The following ELMO1 variants were observed in gnomAD, a reference collection of about 807,000 sequenced individuals.
ELMO1 encodes engulfment and cell motility protein 1.
Under a neutral mutation model 98.9 loss-of-function variants are expected in ELMO1, and 26 were observed. That is an observed-to-expected ratio of 0.26 (90% CI 0.19 to 0.36). The LOEUF (loss-of-function observed/expected upper bound fraction) is 0.36, where lower values mean the gene tolerates loss of function less well. ELMO1 is among the 10% of genes least tolerant of loss of function. The pLI, the probability that ELMO1 is intolerant of heterozygous loss-of-function variation, is 1.00. For synonymous variants in ELMO1, 346 were observed against 346.0 expected, an observed-to-expected ratio of 1.00 and a Z score of 0.00; for missense variants, 627 against 935.2, an observed-to-expected ratio of 0.67 and a Z score of 4.30.
chr7:37,420,022 C>T (rs867314915), intron 1 of ELMO1, among the ~76,000 whole-genome samples: 1 of 152,142 alleles, frequency 6.6e-6, no homozygotes, highest in Non-Finnish European at 1.5e-5. Flanking sequence ...AACCATTTAC[C>T]GGTCTTTGGA....
intron 20 of ELMO1, among the ~76,000 whole-genome samples, chr7:36,866,233 C>G (rs1803024083): frequency 6.6e-6 from 1 of 152,158 alleles, no homozygotes; most frequent in South Asian, 2.1e-4. Context: ...ATCCTTAATC[C>G]TTGCAAATCA....
At chr7:36,919,751 C>T (rs187047552) in intron 16 of ELMO1, among the ~76,000 whole-genome samples, 38 of 152,194 alleles carry the variant, frequency 2.5e-4, no homozygotes, top group Admixed American at 1.8e-3. Context: ...GCTGGGCTCA[C>T]GGGGAAGAGT....
chr7:37,308,327 C>A lies in ELMO1; in HGVS notation c.192+6523G>T, dbSNP rs1443458264. Among the ~76,000 whole-genome samples the A allele has an allele frequency of 2.0e-5, 3 of 152,102 alleles. No homozygotes were observed. In the East Asian group the frequency reaches 5.8e-4, roughly 29 times the overall value. On this transcript the variant is annotated intron_variant, in intron 4 of 21. Transcript: ENST00000310758. ...TTCCCTATGATCTTAGGATGAAGTT[C>A]AAGATCTTTAAGATGACCTTAAAAA... is the stretch of plus-strand genomic sequence containing the variant.
At position 37,288,955 on chromosome 7, in the gene ELMO1, C is replaced by A. The variant is rs138894813; in HGVS notation, c.193-17073G>T. On this transcript the variant is annotated intron_variant, in intron 4 of 21. Transcript: ENST00000310758. ...TCTGCCCCCATGTCTTTTTTGGGGG[C>A]TGTCCTACTCCATTTTCCTCATAGC... is the stretch of plus-strand genomic sequence containing the variant. Among the ~76,000 whole-genome samples, 376 of 152,290 alleles carry A rather than the reference C, an allele frequency of 2.5e-3. 2 individuals carry two copies. The highest frequency in any genetic ancestry group is 8.8e-3 in the African/African-American group (365 of 41,564).
intron 16 of ELMO1, among the ~76,000 whole-genome samples, chr7:37,001,356 T>C (rs115391907): frequency 1.8e-3 from 271 of 152,326 alleles, no homozygotes; most frequent in African/African-American, 6.1e-3. Flanking sequence ...TAATGATCAT[T>C]GAATTAAACA....
Position 36,855,617 on chromosome 7 carries a change from G to A in ELMO1, c.2118C>T (p.Ile706=). ...TGGGAATCGGCGGAGGTGCGTCAGG[G>A]ATCTGGATGTTTTCCAGGTCCAGGA... ...LRLLDLENIQ[I]PDAPPPIPKE... is the part of the protein sequence containing the mutation. The change falls in exon 22 of 22, where the codon ATC becomes ATT. Residue 706 remains isoleucine, a synonymous_variant. Transcript: ENST00000310758. The surrounding 1 kb of genome is among the most constrained non-coding windows in gnomAD (Gnocchi z 4.2). The A allele has an allele frequency of 6.2e-7, 1 of 1,614,126 alleles. No homozygotes were observed. The highest frequency in any genetic ancestry group is 8.5e-7 in the Non-Finnish European group (1 of 1,180,000).
chr7:37,044,570 C>T (rs1015758100), intron 15 of ELMO1, among the ~76,000 whole-genome samples: 7 of 152,162 alleles, frequency 4.6e-5, no homozygotes, highest in Non-Finnish European at 5.9e-5. Flanking sequence ...TCTCTCTCAG[C>T]TCTCCCTATG....
At chr7:37,352,485 T>G (rs945624339) in intron 1 of ELMO1, among the ~76,000 whole-genome samples, 2 of 152,256 alleles carry the variant, frequency 1.3e-5, no homozygotes, top group African/African-American at 4.8e-5. Context: ...AATGTCCATA[T>G]GCAATCTATA....
chr7:37,192,645 A>G (rs1791667684), intron 13 of ELMO1, among the ~76,000 whole-genome samples: 1 of 151,258 alleles, frequency 6.6e-6, no homozygotes, highest in African/African-American at 2.4e-5. Flanking sequence ...AAAAACTACA[A>G]AAATTAGCCA....
In ELMO1 at chr7:37,299,267, C is replaced by G. The variant is rs1345083693; in HGVS notation, c.192+15583G>C. On this transcript the variant is annotated intron_variant, in intron 4 of 21. Coordinates refer to ENST00000310758, the MANE Select transcript of ELMO1 (RefSeq NM_014800.11). ...CATTTTTGTAGGTTGCCTGTTCACT[C>G]TGATGGTAGTTTCTTTTGCTGTGCA... 8.6e-5 allele frequency among the ~76,000 whole-genome samples: 13 copies of G among 150,952 alleles called. 1 individual carries two copies. The highest frequency in any genetic ancestry group is 8.6e-4 in the Admixed American group (13 of 15,140).
chr7:36,881,050 A>C (rs975417634), intron 18 of ELMO1, among the ~76,000 whole-genome samples: 2 of 152,180 alleles, frequency 1.3e-5, no homozygotes, highest in Non-Finnish European at 2.9e-5. Context: ...AAAACGATAA[A>C]AAGCAAAAAG....
At chr7:36,969,912 G>A (rs1464505487) in intron 16 of ELMO1, among the ~76,000 whole-genome samples, 1 of 151,804 alleles carries the variant, frequency 6.6e-6, no homozygotes, top group Admixed American at 6.6e-5. Flanking sequence ...ATTGTAAGGG[G>A]TTTTATTTTT....
At chr7:37,410,321 A>C (rs1432986638) in intron 1 of ELMO1, among the ~76,000 whole-genome samples, 1 of 152,264 alleles carries the variant, frequency 6.6e-6, no homozygotes, top group African/African-American at 2.4e-5. Flanking sequence ...CCTTGAAAGA[A>C]AAAAACAAGT....
intron 2 of ELMO1, among the ~76,000 whole-genome samples, chr7:37,337,597 G>A (rs1800491571): frequency 6.6e-6 from 1 of 151,722 alleles, no homozygotes; most frequent in Non-Finnish European, 1.5e-5. Context: ...GAAACAAATT[G>A]GGACCACCTC....
At position 37,116,938 on chromosome 7, in the gene ELMO1, TC is replaced by T. The variant is rs1223267549; in HGVS notation, c.1191+16191del. Reference sequence around the variant, plus strand: ...CTCCGCAACAAGAGGGCAGGCTACATCCTGCATCTGATGGAGGATATTTGGA... The same window carrying T: ...CTCCGCAACAAGAGGGCAGGCTACATCTGCATCTGATGGAGGATATTTGGA... On this transcript the variant is annotated intron_variant, in intron 14 of 21. Coordinates refer to ENST00000310758, the MANE Select transcript of ELMO1 (RefSeq NM_014800.11). 2.4e-5 allele frequency: 5 copies of T among 212,296 alleles called. No individual in the cohort carries two copies. The East Asian group carries it at 5.6e-4, about 24-fold the overall frequency. The allele number at this position is 212,296 out of a possible 1,614,324, so 13.2% of individuals were successfully genotyped here. A position where few individuals can be genotyped will look rare whatever the true frequency, so the allele number is the denominator to read the frequency against.
chr7:37,251,864 A>T (rs888490162), intron 6 of ELMO1, among the ~76,000 whole-genome samples: 8 of 152,358 alleles, frequency 5.3e-5, no homozygotes, highest in Non-Finnish European at 1.0e-4. Flanking sequence ...CCCTAAGCTG[A>T]TAAGCAACTT....
chr7:37,363,797 A>G (rs1001451210), intron 1 of ELMO1, among the ~76,000 whole-genome samples: 1 of 152,168 alleles, frequency 6.6e-6, no homozygotes, highest in African/African-American at 2.4e-5. Flanking sequence ...TGACCATAAG[A>G]TCTAAACATT....
intron 6 of ELMO1, among the ~76,000 whole-genome samples, chr7:37,248,706 T>C (rs1189913942): frequency 6.6e-6 from 1 of 152,224 alleles, no homozygotes; most frequent in African/African-American, 2.4e-5. Context: ...CTGTGGCCTC[T>C]GAGGAGGTAA....
chr7:37,213,270 G>T, intron 12 of ELMO1, 65 bp downstream of exon 12: 1 of 1,568,074 alleles, frequency 6.4e-7, no homozygotes, highest in Admixed American at 1.8e-5. Context: ...GGTACCTCAA[G>T]AAAAGACTTT....
Sources: gnomAD v4.1 joint callset for allele counts (sites outside exome capture counted in the v4.1 genomes callset) on GRCh38, gnomAD v4.1.1 for gene constraint, Gnocchi (gnomAD v3.1) non-coding constraint, MANE v1.5 for transcripts, NCBI Gene and HGNC (gene_info 2026-07-23, HGNC 2026-07-21) for gene names.